FAT4: variants seen among roughly 807,000 people sequenced by gnomAD.
FAT4 encodes the protein FAT atypical cadherin 4.
In FAT4, 84 loss-of-function variants were observed where a neutral mutation model predicts 303.9. The observed-to-expected ratio is 0.28, with a 90% confidence interval of 0.23 to 0.33. FAT4 has a LOEUF of 0.33. Among genes scored for constraint, FAT4 ranks in the 10% least tolerant of loss-of-function variants. The pLI, the probability that FAT4 is intolerant of heterozygous loss-of-function variation, is 1.00. For missense variants in FAT4, 6,005 were observed against 6,146.8 expected (o/e 0.98, Z 0.77); for synonymous variants, 2,307 against 2,298.8 (o/e 1.00, Z -0.10).
In FAT4 at chr4:125,452,047, C is replaced by T. The variant is rs1726100176; in HGVS notation, c.11037C>T (p.Gly3679=). The T allele has an allele frequency of 4.3e-6, 7 of 1,614,152 alleles. No homozygotes were observed. Among genetic ancestry groups the T allele is most frequent in the Non-Finnish European group, 5.9e-6 (7 of 1,180,036 alleles). ...DLNSQPRSTD[G]TFDLTVLSND... ...ATTCCCAGCCAAGGTCCACAGATGG[C>T]ACGTTTGATCTGACTGTCCTTAGCA... The change falls in exon 10 of 18, where the codon GGC becomes GGT. Residue 3679 remains glycine (G), a synonymous_variant. Transcript: ENST00000394329.
In FAT4 at chr4:125,373,932, T is replaced by G. The variant is rs181616505; in HGVS notation, c.5176-24852T>G. The stretch of plus-strand genomic sequence containing the variant: ...CTGTATTAGAAAATAATAAGGACTA[T>G]GTATATATGATTTCAGACGATTTCC... On this transcript the variant is annotated intron_variant, in intron 2 of 17. Transcript: ENST00000394329. Among the ~76,000 whole-genome samples the G allele has an allele frequency of 2.6e-3, 391 of 152,340 alleles. 1 individual carries two copies. The highest frequency in any genetic ancestry group is 0.01 in the Middle Eastern group (3 of 294).
At chr4:125,441,862 A>C (rs1428050117) in intron 8 of FAT4, among the ~76,000 whole-genome samples, 2 of 152,186 alleles carry the variant, frequency 1.3e-5, no homozygotes, top group Non-Finnish European at 2.9e-5. Context: ...GTGCTTTCCC[A>C]AGCCTTATAG....
chr4:125,393,441 A>C (rs182353578), intron 2 of FAT4, among the ~76,000 whole-genome samples: 1 of 152,288 alleles, frequency 6.6e-6, no homozygotes. Flanking sequence ...TTATCATTAG[A>C]TCCACAAATA....
chr4:125,330,093 C>A (rs1731319168), intron 2 of FAT4, among the ~76,000 whole-genome samples: 1 of 152,178 alleles, frequency 6.6e-6, no homozygotes, highest in Admixed American at 6.5e-5. Context: ...CCTACACTGG[C>A]TTCTTTCTAT....
rs537713056 is a variant in FAT4 at position 125,319,137 on chromosome 4, G to A, written c.2726G>A (p.Gly909Asp). Residue 909 changes from glycine to aspartate, a missense_variant, in exon 2 of 18, where the codon GGT becomes GAT. Physicochemically the swap from Gly to Asp is moderately conservative, Grantham distance 94. Transcript: ENST00000394329. ...SVNVVENWQA[G>D]HSIFQAKAVD... ...AATGTGGTGGAGAATTGGCAGGCAG[G>A]TCACAGCATTTTCCAGGCCAAAGCT... The A allele has an allele frequency of 9.9e-6, 16 of 1,614,126 alleles. No individual in the cohort carries two copies. The South Asian group carries it at 1.2e-4, about 12-fold the overall frequency.
chr4:125,323,761 G>C (rs1485197836), intron 2 of FAT4, among the ~76,000 whole-genome samples: 1 of 152,142 alleles, frequency 6.6e-6, no homozygotes, highest in Non-Finnish European at 1.5e-5. Context: ...GCAAAAATAA[G>C]TTATACATTT....
chr4:125,452,098 G>C lies in FAT4; in HGVS notation c.11088G>C (p.Thr3696=). The change falls in exon 10 of 18, where the codon ACG becomes ACC. Residue 3696 remains threonine, a synonymous_variant. Transcript: ENST00000394329. ...LSNDGVHSTV[T]SNIRVFFAGF... ...ATGATGGAGTTCACAGCACAGTCAC[G>C]AGCAACATCCGAGTTTTCTTTGCTG... 1 of 1,614,130 alleles carries C rather than the reference G, an allele frequency of 6.2e-7. No individual in the cohort carries two copies. The highest frequency in any genetic ancestry group is 8.5e-7 in the Non-Finnish European group (1 of 1,180,024).
chr4:125,402,146 T>C lies in FAT4; in HGVS notation c.5307+3231T>C, dbSNP rs367968594. Among the ~76,000 whole-genome samples, 43 of 152,148 alleles carry C rather than the reference T, an allele frequency of 2.8e-4. 1 individual carries two copies. The highest frequency in any genetic ancestry group is 9.9e-4 in the African/African-American group (41 of 41,570). The stretch of plus-strand genomic sequence containing the variant: ...TTTTTATCAACACAGCCTGATATGT[T>C]TACCTCTTTTCAGAAAAATTATTAC... On this transcript the variant is annotated intron_variant, in intron 3 of 17. Coordinates refer to ENST00000394329, the MANE Select transcript of FAT4 (RefSeq NM_001291303.3).
chr4:125,411,901 A>T (rs745403347), intron 5 of FAT4, among the ~76,000 whole-genome samples: 2 of 151,152 alleles, frequency 1.3e-5, no homozygotes, highest in African/African-American at 4.8e-5. Flanking sequence ...ATATGTATGC[A>T]ATAAAACTGC....
In FAT4 at chr4:125,449,498, G is replaced by T. The variant is rs1303265631; in HGVS notation, c.8488G>T (p.Val2830Phe). 1 of 1,613,876 alleles carries T rather than the reference G, an allele frequency of 6.2e-7. No individual in the cohort carries two copies. Among genetic ancestry groups the T allele is most frequent in the African/African-American group, 1.3e-5 (1 of 75,024 alleles). ...AATTAATCCCAGCACAGGGGATATT[G>T]TCATAAGCAGACCTTTAAATAGGGA... ...FTINPSTGDI[V>F]ISRPLNREDT... Residue 2830 changes from valine to phenylalanine, a missense_variant, in exon 10 of 18, where the codon GTC becomes TTC. By Grantham distance (50) the Val-to-Phe change is conservative (BLOSUM62 -1). Transcript: ENST00000394329.
At position 125,316,178 on chromosome 4, in the gene FAT4, G is replaced by A. The variant is rs572929996; in HGVS notation, c.-13+201G>A. 6.6e-6 allele frequency among the ~76,000 whole-genome samples: 1 copy of A among 152,154 alleles called. No individual in the cohort carries two copies. The highest frequency in any genetic ancestry group is 2.4e-5 in the African/African-American group (1 of 41,444). ...AGCTCACAGGAGTGTCCCGCGGAAT[G>A]CCCTGCCGCTTTTCGCCACAGCATC... On this transcript the variant is annotated intron_variant, in intron 1 of 17. Coordinates refer to ENST00000394329, the MANE Select transcript of FAT4 (RefSeq NM_001291303.3). The surrounding 1 kb of genome is among the most constrained non-coding windows in gnomAD (Gnocchi z 5.7).
chr4:125,475,208 T>A (rs1372542374), intron 12 of FAT4, among the ~76,000 whole-genome samples: 1 of 152,108 alleles, frequency 6.6e-6, no homozygotes, highest in Non-Finnish European at 1.5e-5. Flanking sequence ...GTTTGTCATT[T>A]GTCAAATTTT....
chr4:125,447,966 G>C (rs1725884627), intron 9 of FAT4, among the ~76,000 whole-genome samples: 1 of 151,894 alleles, frequency 6.6e-6, no homozygotes, highest in East Asian at 1.9e-4. Context: ...AAAACAGTGG[G>C]GACAAGGAAT....
intron 8 of FAT4, among the ~76,000 whole-genome samples, chr4:125,434,980 A>G (rs1281509672): frequency 6.6e-6 from 1 of 152,226 alleles, no homozygotes; most frequent in Non-Finnish European, 1.5e-5. Flanking sequence ...CAGCACTTCT[A>G]TAATACTCTG....
At chr4:125,326,887 T>C (rs1052516279) in intron 2 of FAT4, among the ~76,000 whole-genome samples, 10 of 152,042 alleles carry the variant, frequency 6.6e-5, no homozygotes, top group Non-Finnish European at 1.5e-4. Context: ...TTGCCGGGCA[T>C]GGTGGTGCAC....
At chr4:125,454,649 C>G (rs1726215483) in intron 10 of FAT4, among the ~76,000 whole-genome samples, 1 of 152,032 alleles carries the variant, frequency 6.6e-6, no homozygotes. Context: ...GCCTGTCCAA[C>G]ATGGTGAAAC....
chr4:125,318,697 A>G lies in FAT4; in HGVS notation c.2286A>G (p.Gln762=), dbSNP rs771276464. The G allele has an allele frequency of 6.8e-6, 11 of 1,614,012 alleles. No individual in the cohort carries two copies. In the South Asian group the frequency reaches 8.8e-5, roughly 13 times the overall value. The part of the protein sequence containing the change: ...DREEKTAYQL[Q]IVATDGGNLQ... ...AAGAAAAAACAGCTTATCAGTTGCAAATAGTAGCTACTGATGGTGGCAATT... is the reference window on the plus strand; with the variant it reads ...AAGAAAAAACAGCTTATCAGTTGCAGATAGTAGCTACTGATGGTGGCAATT... Residue 762 remains glutamine (Q), a synonymous_variant, in exon 2 of 18, where the codon CAA becomes CAG. Coordinates refer to ENST00000394329, the MANE Select transcript of FAT4 (RefSeq NM_001291303.3).
intron 2 of FAT4, among the ~76,000 whole-genome samples, chr4:125,389,417 C>T (rs374439811): frequency 5.3e-5 from 8 of 152,024 alleles, no homozygotes; most frequent in Non-Finnish European, 8.8e-5. Context: ...TATTTAAATA[C>T]GCATTTTCTA....
In FAT4 at chr4:125,456,868, G is replaced by C. The variant is rs79059115; in HGVS notation, c.11800+4058G>C. Among the ~76,000 whole-genome samples the C allele has an allele frequency of 5.4e-4, 82 of 152,200 alleles. 1 individual carries two copies. The East Asian group carries it at 0.013, about 24-fold the overall frequency. Reference sequence around the variant, plus strand: ...TTTAAAAAATTACTCATAATAGCTAGATTTTACTTCAGTTAACATGAATTA... The same window carrying C: ...TTTAAAAAATTACTCATAATAGCTACATTTTACTTCAGTTAACATGAATTA... On this transcript the variant is annotated intron_variant, in intron 10 of 17. Coordinates refer to ENST00000394329, the MANE Select transcript of FAT4 (RefSeq NM_001291303.3).
Sources: gnomAD v4.1 joint callset for allele counts (sites outside exome capture counted in the v4.1 genomes callset) on GRCh38, gnomAD v4.1.1 for gene constraint, Gnocchi (gnomAD v3.1) non-coding constraint, MANE v1.5 for transcripts, NCBI Gene and HGNC (gene_info 2026-07-23, HGNC 2026-07-21) for gene names.